The following TACC2 variants were observed in gnomAD, a reference collection of about 807,000 sequenced individuals.
The protein encoded by TACC2 is transforming acidic coiled-coil-containing protein 2.
In TACC2, 137 loss-of-function variants were observed where a neutral mutation model predicts 227.3. The ratio of observed to expected loss-of-function variants is 0.60; its 90% CI spans 0.52 to 0.69. TACC2 has a LOEUF of 0.69. Among genes scored for constraint, TACC2 ranks in the 30% least tolerant of loss-of-function variants. TACC2 has a pLI of 0.00. For synonymous variants in TACC2, 1,523 were observed against 1,487.5 expected (o/e 1.02, Z -0.55); for missense variants, 3,470 against 3,694.4 (o/e 0.94, Z 1.57).
At position 122,148,540 on chromosome 10, in the gene TACC2, C is replaced by T. The variant is rs576319396; in HGVS notation, c.5834+4834C>T. Among the ~76,000 whole-genome samples, 9 of 152,362 alleles carry T rather than the reference C, an allele frequency of 5.9e-5. No homozygotes were observed. In the South Asian group the frequency reaches 8.3e-4, roughly 14 times the overall value. ...GTTATGCGCAGGCAGCTGCAGTGCC[C>T]GCCATATCTGTGGCTTTGTCTTCTC... On this transcript the variant is annotated intron_variant, in intron 7 of 22. Coordinates refer to ENST00000369005, the MANE Select transcript of TACC2 (RefSeq NM_206862.4).
At chr10:122,021,794 T>G in intron 1 of TACC2, 143 bp from the exon 2 acceptor site, 1 of 596,568 alleles carries the variant, frequency 1.7e-6, no homozygotes, top group Non-Finnish European at 3.0e-6. Context: ...AAGAAAACCC[T>G]TCAAAAGTAA....
intron 7 of TACC2, among the ~76,000 whole-genome samples, chr10:122,179,811 G>A (rs537877903): frequency 6.6e-6 from 1 of 152,248 alleles, no homozygotes; most frequent in East Asian, 1.9e-4. Flanking sequence ...CAGACGTGGT[G>A]GCTTACACCT....
chr10:122,182,420 C>T (rs979840462), intron 7 of TACC2, among the ~76,000 whole-genome samples: 1 of 152,100 alleles, frequency 6.6e-6, no homozygotes, highest in Non-Finnish European at 1.5e-5. Flanking sequence ...CAGGAGCTCA[C>T]CACGATTTCT....
chr10:122,167,463 C>T (rs529261121), intron 7 of TACC2, among the ~76,000 whole-genome samples: 7 of 152,286 alleles, frequency 4.6e-5, no homozygotes, highest in African/African-American at 1.4e-4. Flanking sequence ...GGAGCTAGTT[C>T]GGGGAAGTTG....
chr10:122,088,849 G>C, intron 5 of TACC2: 1 of 1,157,324 alleles, frequency 8.6e-7, no homozygotes. Flanking sequence ...GTCTGGGTGC[G>C]GTGGCTCATG....
rs766977575 is a variant in TACC2, at chr10:122,086,633, G to T, written c.4133G>T (p.Gly1378Val). The change falls in exon 4 of 23, where the codon GGA becomes GTA. Residue 1378 changes from glycine (G) to valine (V), a missense_variant. Around this residue, in one of 10 missense-constraint regions of TACC2, gnomAD observed 1,924 missense variants for 1,978.3 expected, o/e 0.97. Transcript: ENST00000369005. ...GETEGSMERMGEPSQDPKQGT... is the reference protein window; with the variant it reads ...GETEGSMERMVEPSQDPKQGT... ...ACAGAGGGCAGCATGGAGAGGATGG[G>T]AGAGCCTTCCCAGGACCCAAAGCAG... 5.6e-6 allele frequency: 9 copies of T among 1,602,986 alleles called. No individual in the cohort carries two copies. In the East Asian group the frequency reaches 2.0e-4, roughly 36 times the overall value.
intron 2 of TACC2, among the ~76,000 whole-genome samples, chr10:122,041,509 C>T (rs532816106): frequency 5.1e-4 from 76 of 149,054 alleles, no homozygotes; most frequent in East Asian, 1.8e-3. Context: ...TGCAATGGCG[C>T]GATCTCGGCT....
At position 122,143,719 on chromosome 10, in the gene TACC2, T is replaced by A; in HGVS notation, c.5834+13T>A. On this transcript the variant is annotated intron_variant, in intron 7 of 22. Coordinates refer to ENST00000369005, the MANE Select transcript of TACC2 (RefSeq NM_206862.4). ...AGGACCTCAGCAGGTATTGCGCAAGTCCCCCTCCACAGCACCTGCCCCCGG... is the reference window on the plus strand; with the variant it reads ...AGGACCTCAGCAGGTATTGCGCAAGACCCCCTCCACAGCACCTGCCCCCGG... The A allele has an allele frequency of 6.2e-7, 1 of 1,610,660 alleles. No homozygotes were observed. Among genetic ancestry groups the A allele is most frequent in the Non-Finnish European group, 8.5e-7 (1 of 1,178,034 alleles).
rs1591472618 is a variant in TACC2 at position 122,050,746 on chromosome 10, C to T, written c.146+196C>T. ...GCTAGGCCTGCATGATTGAAAAATT[C>T]ATCCTGATTGCCTGCCCAAAGATGA... is the stretch of plus-strand genomic sequence containing the variant. On this transcript the variant is annotated intron_variant, in intron 3 of 22. Transcript: ENST00000369005. This position sits in a 1 kb window ranked among gnomAD's most constrained non-coding sequence, Gnocchi z 4.6. The T allele has an allele frequency of 3.8e-6, 2 of 525,556 alleles. No individual in the cohort carries two copies. Among genetic ancestry groups the T allele is most frequent in the East Asian group, 6.2e-5 (2 of 32,390 alleles). The allele number at this position is 525,556 out of a possible 1,614,324, so 32.6% of individuals were successfully genotyped here.
intron 1 of TACC2, among the ~76,000 whole-genome samples, chr10:122,019,537 G>T (rs1460021489): frequency 6.6e-6 from 1 of 152,242 alleles, no homozygotes; most frequent in Non-Finnish European, 1.5e-5. Context: ...CCAATCAGAT[G>T]GCAGGGGCCG....
intron 1 of TACC2, among the ~76,000 whole-genome samples, chr10:122,002,803 G>A (rs1339288216): frequency 2.6e-5 from 4 of 152,044 alleles, no homozygotes; most frequent in African/African-American, 4.8e-5. Context: ...AATTTCTTCC[G>A]TTACAATGGT....
chr10:122,173,152 G>T (rs943505009), intron 7 of TACC2, among the ~76,000 whole-genome samples: 3 of 152,176 alleles, frequency 2.0e-5, no homozygotes, highest in Admixed American at 6.5e-5. Context: ...TTGCTAGGAT[G>T]GCTTTAGAGA....
chr10:122,158,812 C>T (rs140498360), intron 7 of TACC2, among the ~76,000 whole-genome samples: 138 of 152,268 alleles, frequency 9.1e-4, no homozygotes, highest in African/African-American at 3.0e-3. Flanking sequence ...ATATCTGTAC[C>T]GCTGCAAATA....
At chr10:122,102,274 T>TA (rs1247959900) in intron 5 of TACC2, among the ~76,000 whole-genome samples, 2 of 152,134 alleles carry the variant, frequency 1.3e-5, no homozygotes, top group Non-Finnish European at 2.9e-5. Flanking sequence ...CTGGGGGTAG[T>TA]ACATTTTCAA....
chr10:122,157,939 T>C (rs2092592331), intron 7 of TACC2, among the ~76,000 whole-genome samples: 1 of 152,206 alleles, frequency 6.6e-6, no homozygotes, highest in South Asian at 2.1e-4. Context: ...CTGATTTTTT[T>C]TTTCATATGT....
rs780735818 is a variant in TACC2 at position 122,151,155 on chromosome 10, GCAGA to G, written c.5834+7454_5834+7457del. Among the ~76,000 whole-genome samples, 4 of 152,198 alleles carry G rather than the reference GCAGA, an allele frequency of 2.6e-5. No homozygotes were observed. In the East Asian group the frequency reaches 7.7e-4, roughly 29 times the overall value. The stretch of plus-strand genomic sequence containing the variant: ...TCCCAGCAGTGATGGGGAAAAGGAG[GCAGA>G]CAGAGACAGCTGTTCTGGAAACAGA... On this transcript the variant is annotated intron_variant, in intron 7 of 22. Coordinates refer to ENST00000369005, the MANE Select transcript of TACC2 (RefSeq NM_206862.4).
At chr10:122,088,355 AT>A (rs11442094) in intron 4 of TACC2, 122 bp from the exon 5 acceptor site, 8,743 of 767,460 alleles carry the variant, frequency 0.011, 1 homozygote, top group South Asian at 0.014. Flanking sequence ...TTTCCTAGGG[AT>A]TTTTTTTTTT....
At chr10:122,228,059 C>T (rs367990947) in intron 14 of TACC2, 51 bp downstream of exon 14, 900 of 1,561,248 alleles carry the variant, frequency 5.8e-4, no homozygotes, top group Non-Finnish European at 5.5e-4. Flanking sequence ...TGTGGGCCAG[C>T]TGCGTATTGT....
chr10:122,047,171 C>T (rs971484575), intron 2 of TACC2, among the ~76,000 whole-genome samples: 14 of 150,952 alleles, frequency 9.3e-5, no homozygotes, highest in Non-Finnish European at 1.8e-4. Flanking sequence ...CACCTGTAGT[C>T]CCAGCTACTT....
Sources: gnomAD v4.1 joint callset for allele counts (sites outside exome capture counted in the v4.1 genomes callset) on GRCh38, gnomAD v4.1.1 for gene constraint, gnomAD v4.1.1 regional missense constraint, Gnocchi (gnomAD v3.1) non-coding constraint, MANE v1.5 for transcripts, NCBI Gene and HGNC (gene_info 2026-07-23, HGNC 2026-07-21) for gene names.